Variants in ATXN7L1 observed in about 807,000 individuals in gnomAD.
ATXN7L1 encodes ataxin 7 like 1, also known as ataxin-7-like protein 1.
ATXN7L1 carries 15 observed loss-of-function variants against 70.8 expected under a neutral mutation model. That is an observed-to-expected ratio of 0.21 (90% CI 0.14 to 0.33). ATXN7L1 has a LOEUF of 0.33. Ranked by LOEUF, ATXN7L1 falls within the 10% of genes least tolerant of loss-of-function variation. The pLI, the probability that ATXN7L1 is intolerant of heterozygous loss-of-function variation, is 1.00. For missense variants in ATXN7L1, 975 were observed against 1,097.1 expected, an observed-to-expected ratio of 0.89 and a Z score of 1.57; for synonymous variants, 440 against 445.1, an observed-to-expected ratio of 0.99 and a Z score of 0.14.
intron 2 of ATXN7L1, chr7:105,819,652 AC>A: frequency 1.1e-6 from 1 of 926,198 alleles, no homozygotes; most frequent in East Asian, 2.6e-5. Flanking sequence ...AAGTTGAAGT[AC>A]CTGGTCTTCC....
At chr7:105,813,223 C>T (rs1808688481) in intron 2 of ATXN7L1, among the ~76,000 whole-genome samples, 1 of 152,168 alleles carries the variant, frequency 6.6e-6, no homozygotes, top group Admixed American at 6.5e-5. Flanking sequence ...ATTTCCTGGC[C>T]TCCCAGCCCA....
intron 3 of ATXN7L1, among the ~76,000 whole-genome samples, chr7:105,732,157 C>T (rs1422940501): frequency 6.6e-6 from 1 of 152,098 alleles, no homozygotes; most frequent in Middle Eastern, 3.2e-3. Flanking sequence ...CTCCTGTAAT[C>T]CCAACACTTT....
At chr7:105,855,711 C>G (rs558554185) in intron 2 of ATXN7L1, among the ~76,000 whole-genome samples, 1 of 152,128 alleles carries the variant, frequency 6.6e-6, no homozygotes, top group Non-Finnish European at 1.5e-5. Flanking sequence ...AATTGCAGAT[C>G]AAAAATATGT....
intron 2 of ATXN7L1, among the ~76,000 whole-genome samples, chr7:105,811,725 A>C (rs1460628586): frequency 1.3e-5 from 2 of 152,188 alleles, no homozygotes; most frequent in Admixed American, 6.5e-5. Context: ...GGCACTCCAA[A>C]GCTGAGACTG....
intron 2 of ATXN7L1, among the ~76,000 whole-genome samples, chr7:105,798,232 C>A (rs1384165695): frequency 3.9e-5 from 6 of 152,204 alleles, no homozygotes; most frequent in African/African-American, 7.2e-5. Flanking sequence ...TCCTTCCCCC[C>A]ACCCCATGGC....
chr7:105,720,279 A>G (rs983365306), intron 3 of ATXN7L1, among the ~76,000 whole-genome samples: 1 of 152,152 alleles, frequency 6.6e-6, no homozygotes, highest in African/African-American at 2.4e-5. Flanking sequence ...TACGCCTGTA[A>G]TCCCAGCACT....
chr7:105,636,527 G>A (rs1480743562), intron 7 of ATXN7L1, among the ~76,000 whole-genome samples: 1 of 143,416 alleles, frequency 7.0e-6, no homozygotes, highest in East Asian at 2.0e-4. Context: ...TTCCTTAACA[G>A]AACACAAACA....
intron 3 of ATXN7L1, among the ~76,000 whole-genome samples, chr7:105,727,298 C>T (rs1397638021): frequency 6.6e-6 from 1 of 152,118 alleles, no homozygotes; most frequent in Admixed American, 6.5e-5. Flanking sequence ...CACGCACAGG[C>T]TTGAAAGATA....
At chr7:105,851,710 TTTG>T (rs940221747) in intron 2 of ATXN7L1, among the ~76,000 whole-genome samples, 2 of 152,086 alleles carry the variant, frequency 1.3e-5, no homozygotes, top group Non-Finnish European at 1.5e-5. Context: ...CTTTAAACAT[TTTG>T]TTGTTGTTGT....
intron 3 of ATXN7L1, among the ~76,000 whole-genome samples, chr7:105,674,470 A>AT (rs951749638): frequency 2.6e-5 from 4 of 151,778 alleles, no homozygotes; most frequent in South Asian, 2.1e-4. Context: ...AATTACTATT[A>AT]TTTTTTTTTC....
chr7:105,737,864 A>G (rs1417252098), intron 3 of ATXN7L1, among the ~76,000 whole-genome samples: 7 of 152,212 alleles, frequency 4.6e-5, no homozygotes, highest in Non-Finnish European at 1.0e-4. Context: ...CAAGAGTCCA[A>G]TGGCAAAGAG....
chr7:105,692,424 T>TCCTTCCTCCCTC, intron 3 of ATXN7L1, among the ~76,000 whole-genome samples: 122 of 88,138 alleles, frequency 1.4e-3, no homozygotes, highest in African/African-American at 4.5e-3. Flanking sequence ...CTTCCTTCCT[T>TCCTTCCTCCCTC]CCTCCCTCCC....
At chr7:105,609,735 T>A (rs565829722) in intron 11 of ATXN7L1, among the ~76,000 whole-genome samples, 52 of 152,166 alleles carry the variant, frequency 3.4e-4, no homozygotes, top group African/African-American at 1.2e-3. Context: ...GTGCTGGGAT[T>A]ATAGGTGAGG....
intron 3 of ATXN7L1, among the ~76,000 whole-genome samples, chr7:105,699,277 C>T (rs990452517): frequency 6.6e-6 from 1 of 152,150 alleles, no homozygotes; most frequent in African/African-American, 2.4e-5. Context: ...GGATTACAGG[C>T]ATGCACCATC....
intron 2 of ATXN7L1, among the ~76,000 whole-genome samples, chr7:105,793,066 A>G (rs1193142679): frequency 6.6e-6 from 1 of 152,182 alleles, no homozygotes; most frequent in African/African-American, 2.4e-5. Flanking sequence ...ATTCCCGGAT[A>G]CTCTGACTCT....
chr7:105,876,548 T>C lies in ATXN7L1; in HGVS notation c.11A>G (p.Glu4Gly), dbSNP rs1236818560. The C allele has an allele frequency of 1.5e-6, 2 of 1,377,250 alleles. No homozygotes were observed. Among genetic ancestry groups the C allele is most frequent in the Admixed American group, 3.9e-5 (2 of 51,792 alleles). The allele number at this position is 1,377,250 out of a possible 1,614,324, so 85.3% of individuals were successfully genotyped here. A position where few individuals can be genotyped will look rare whatever the true frequency, so the allele number is the denominator to read the frequency against. The change falls in exon 1 of 12, where the codon GAG becomes GGG. Residue 4 changes from glutamate (E) to glycine (G), a missense_variant. This residue lies in a region of ATXN7L1 where 135 missense variants were observed against 132.6 expected (regional missense o/e 1.02). Coordinates refer to ENST00000419735, the MANE Select transcript of ATXN7L1 (RefSeq NM_020725.2). The stretch of plus-strand genomic sequence containing the variant: ...CGAGAGACACGGGATTCGAGAACGC[T>C]CCGACGTCATCTTCGGAACGTTCCG... MTS[E>G]RSRIPCLSAA...
chr7:105,823,321 CA>C (rs771419062), intron 2 of ATXN7L1, among the ~76,000 whole-genome samples: 27 of 152,304 alleles, frequency 1.8e-4, no homozygotes, highest in Admixed American at 3.9e-4. Flanking sequence ...ACAGCAGAGG[CA>C]ACCCCATTTC....
intron 2 of ATXN7L1, among the ~76,000 whole-genome samples, chr7:105,863,933 A>C (rs547758535): frequency 6.6e-6 from 1 of 152,346 alleles, no homozygotes; most frequent in South Asian, 2.1e-4. Flanking sequence ...AATAAATTTA[A>C]AACACAAACA....
chr7:105,838,370 A>T lies in ATXN7L1; in HGVS notation c.250+37442T>A, dbSNP rs150645391. Among the ~76,000 whole-genome samples, 342 of 152,338 alleles carry T rather than the reference A, an allele frequency of 2.2e-3. 2 individuals carry two copies. The highest frequency in any genetic ancestry group is 7.9e-3 in the African/African-American group (328 of 41,578). On this transcript the variant is annotated intron_variant, in intron 2 of 11. Coordinates refer to ENST00000419735, the MANE Select transcript of ATXN7L1 (RefSeq NM_020725.2). ...GCGTTGTTAGGAAAATACCTATACC[A>T]GGAGGGAGATGGTTTAATGGAAAAA...
Sources: allele counts gnomAD v4.1 joint callset (sites outside exome capture counted in the v4.1 genomes callset), GRCh38; gene constraint gnomAD v4.1.1; regional missense constraint gnomAD v4.1.1; transcripts MANE v1.5; gene names NCBI Gene and HGNC (gene_info 2026-07-23, HGNC 2026-07-21).